PLS1: variants seen among roughly 807,000 people sequenced by gnomAD.
The protein encoded by PLS1 is plastin-1.
In PLS1, 32 loss-of-function variants were observed where a neutral mutation model predicts 73.7. The ratio of observed to expected loss-of-function variants is 0.43; its 90% CI spans 0.33 to 0.58. The LOEUF is 0.58. PLS1 is among the 20% of genes least tolerant of loss of function. PLS1 has a pLI of 0.04. For missense variants in PLS1, 633 were observed against 740.5 expected (o/e 0.85, Z 1.68); for synonymous variants, 217 against 261.3 (o/e 0.83, Z 1.63).
chr3:142,670,156 C>T (rs926928082), intron 3 of PLS1, among the ~76,000 whole-genome samples: 2 of 152,162 alleles, frequency 1.3e-5, no homozygotes, highest in Non-Finnish European at 2.9e-5. Context: ...GGTATCCCTA[C>T]AGTGTGAAGA....
chr3:142,644,646 T>C (rs1040143529), intron 1 of PLS1, among the ~76,000 whole-genome samples: 2 of 152,222 alleles, frequency 1.3e-5, no homozygotes, highest in Non-Finnish European at 2.9e-5. Context: ...AGCATATAAT[T>C]TTACCCCTCA....
rs766638875 is a variant in PLS1, at chr3:142,704,562, A to G, written c.1605A>G (p.Lys535=). The G allele has an allele frequency of 6.2e-7, 1 of 1,600,392 alleles. No homozygotes were observed. Among genetic ancestry groups the G allele is most frequent in the Non-Finnish European group, 8.5e-7 (1 of 1,172,708 alleles). The stretch of plus-strand genomic sequence containing the variant: ...ATCAGACTCTTAAAAGTGCAAACAA[A>G]AAGACTTCTATTTCCAGCTTCAAGG... ...WVNQTLKSAN[K]KTSISSFKDK... Residue 535 remains lysine, a synonymous_variant, in exon 14 of 16, where the codon AAA becomes AAG. Transcript: ENST00000457734.
intron 1 of PLS1, among the ~76,000 whole-genome samples, chr3:142,655,382 G>T (rs1380422978): frequency 6.6e-6 from 1 of 152,136 alleles, no homozygotes; most frequent in Non-Finnish European, 1.5e-5. Context: ...AAATAACAGT[G>T]TATTGTTATT....
chr3:142,647,202 G>T (rs933298733), intron 1 of PLS1, among the ~76,000 whole-genome samples: 1 of 152,124 alleles, frequency 6.6e-6, no homozygotes, highest in African/African-American at 2.4e-5. Flanking sequence ...GACATTTTTT[G>T]AATAGAATCA....
In PLS1 at chr3:142,650,334, T is replaced by G. The variant is rs1033603027; in HGVS notation, c.-36-13868T>G. 3.4e-5 allele frequency among the ~76,000 whole-genome samples: 5 copies of G among 147,636 alleles called. No homozygotes were observed. In the South Asian group the frequency reaches 1.1e-3, roughly 33 times the overall value. On this transcript the variant is annotated intron_variant, in intron 1 of 15. Transcript: ENST00000457734. ...CTCAGGTTCAAATGATTCTTGTGCCTCAGCCTCCTGAGTTGCTGGGACTAC... is the reference window on the plus strand; with the variant it reads ...CTCAGGTTCAAATGATTCTTGTGCCGCAGCCTCCTGAGTTGCTGGGACTAC...
intron 1 of PLS1, among the ~76,000 whole-genome samples, chr3:142,641,230 A>T (rs1423587721): frequency 6.9e-6 from 1 of 145,452 alleles, no homozygotes; most frequent in Non-Finnish European, 1.5e-5. Flanking sequence ...AGATATATAT[A>T]ATATCTATAT....
rs1369152806 is a variant in PLS1, at chr3:142,640,717, T to TGTGGTTGGG, written c.-36-23484_-36-23476dup. 3.9e-5 allele frequency among the ~76,000 whole-genome samples: 6 copies of TGTGGTTGGG among 152,194 alleles called. No homozygotes were observed. In the South Asian group the frequency reaches 1.2e-3, roughly 32 times the overall value. On this transcript the variant is annotated intron_variant, in intron 1 of 15. Transcript: ENST00000457734. ...TGATTGCAGCATGTGGTACGGAGTG[T>TGTGGTTGGG]GTGGTTGGGTGGTGTCTGATGTGGA...
chr3:142,645,940 A>C (rs904059383), intron 1 of PLS1, among the ~76,000 whole-genome samples: 3 of 152,128 alleles, frequency 2.0e-5, no homozygotes, highest in African/African-American at 7.2e-5. Context: ...AGCTTCTAAC[A>C]GGAGAAGGTC....
intron 1 of PLS1, among the ~76,000 whole-genome samples, chr3:142,629,165 C>T (rs1222208212): frequency 1.3e-5 from 2 of 151,496 alleles, no homozygotes. Context: ...ATAACAACTG[C>T]TACTTTTGGT....
chr3:142,703,241 A>G (rs948342300), intron 12 of PLS1, among the ~76,000 whole-genome samples: 1 of 151,528 alleles, frequency 6.6e-6, no homozygotes, highest in Non-Finnish European at 1.5e-5. Flanking sequence ...CTAGGTTTTT[A>G]GGCACACATG....
At chr3:142,621,597 C>A (rs2036315817) in intron 1 of PLS1, among the ~76,000 whole-genome samples, 1 of 152,170 alleles carries the variant, frequency 6.6e-6, no homozygotes, top group Non-Finnish European at 1.5e-5. Context: ...ATTGTATATT[C>A]ATACACATGT....
chr3:142,660,828 C>T (rs2037354917), intron 1 of PLS1, among the ~76,000 whole-genome samples: 1 of 152,152 alleles, frequency 6.6e-6, no homozygotes, highest in South Asian at 2.1e-4. Context: ...GATAAGTTTA[C>T]ATGGTGCTTT....
At chr3:142,651,599 C>T (rs2037094770) in intron 1 of PLS1, among the ~76,000 whole-genome samples, 1 of 151,998 alleles carries the variant, frequency 6.6e-6, no homozygotes, top group Non-Finnish European at 1.5e-5. Flanking sequence ...GTAGCTGGGA[C>T]TCCAGGCACG....
chr3:142,596,417 C>CGGGCGCGGAGAGGT lies in PLS1; in HGVS notation c.-128_-115dup, dbSNP rs1158087884. On this transcript the variant is annotated 5_prime_UTR_variant, in exon 1 of 16. Coordinates refer to ENST00000457734, the MANE Select transcript of PLS1 (RefSeq NM_001145319.2). ...CAGTGGCGCGAGCGCAGCGGCTACGCGGGCGCGGAGAGGTAGCCGCAGAGT... is the reference window on the plus strand; with the variant it reads ...CAGTGGCGCGAGCGCAGCGGCTACGCGGGCGCGGAGAGGTGGGCGCGGAGAGGTAGCCGCAGAGT... 1 of 152,330 alleles carries CGGGCGCGGAGAGGT rather than the reference C, an allele frequency of 6.6e-6. No individual in the cohort carries two copies. The highest frequency in any genetic ancestry group is 1.9e-4 in the East Asian group (1 of 5,188). The allele number at this position is 152,330 out of a possible 1,614,324, so 9.4% of individuals were successfully genotyped here.
At chr3:142,669,691 C>A in intron 3 of PLS1, 138 bp downstream of exon 3, 3 of 527,732 alleles carry the variant, frequency 5.7e-6, no homozygotes, top group East Asian at 3.0e-5. Context: ...ATGATGATGA[C>A]AATAACTATT....
chr3:142,701,698 C>T (rs1364360879), intron 12 of PLS1, among the ~76,000 whole-genome samples: 1 of 152,172 alleles, frequency 6.6e-6, no homozygotes, highest in African/African-American at 2.4e-5. Context: ...TATTCTTAGG[C>T]CTCTATACTA....
At chr3:142,616,211 T>A (rs890651922) in intron 1 of PLS1, among the ~76,000 whole-genome samples, 3 of 152,186 alleles carry the variant, frequency 2.0e-5, no homozygotes, top group Non-Finnish European at 4.4e-5. Context: ...AATCCTGCCC[T>A]GTAGTCTGGA....
At chr3:142,680,608 G>A (rs1439101225) in intron 6 of PLS1, among the ~76,000 whole-genome samples, 6 of 152,108 alleles carry the variant, frequency 3.9e-5, no homozygotes, top group Non-Finnish European at 8.8e-5. Context: ...AAATTGTTCT[G>A]TAGTTGGCTC....
intron 1 of PLS1, among the ~76,000 whole-genome samples, chr3:142,653,517 C>A (rs188576918): frequency 1.3e-5 from 2 of 151,926 alleles, no homozygotes; most frequent in East Asian, 3.9e-4. Flanking sequence ...CAAGCCACCA[C>A]GGCCGGCTAA....
Sources: allele counts gnomAD v4.1 joint callset (sites outside exome capture counted in the v4.1 genomes callset), GRCh38; gene constraint gnomAD v4.1.1; transcripts MANE v1.5; gene names NCBI Gene and HGNC (gene_info 2026-07-23, HGNC 2026-07-21).